TLR6: variants seen among roughly 807,000 people sequenced by gnomAD.
The protein encoded by TLR6 is toll like receptor 6.
A neutral mutation model predicts 16.1 loss-of-function variants in TLR6; 9 were observed. The observed-to-expected ratio is 0.56, with a 90% CI of 0.34 to 0.98. The LOEUF is 0.98. Among genes scored for constraint, TLR6 ranks in the 50% least tolerant of loss-of-function variants. The pLI, the probability that TLR6 is intolerant of heterozygous loss-of-function variation, is 0.02. For synonymous variants in TLR6, 340 were observed against 338.6 expected, an observed-to-expected ratio of 1.00 and a Z score of -0.04; for missense variants, 786 against 921.0, an observed-to-expected ratio of 0.85 and a Z score of 1.90.
chr4:38,848,557 G>T (rs1251566124), intron 1 of TLR6, among the ~76,000 whole-genome samples: 1 of 152,224 alleles, frequency 6.6e-6, no homozygotes, highest in Non-Finnish European at 1.5e-5. Flanking sequence ...TGGCTAGCTA[G>T]AATAAGCAGT....
intron 1 of TLR6, among the ~76,000 whole-genome samples, chr4:38,852,172 G>A (rs958961528): frequency 6.6e-5 from 10 of 152,184 alleles, no homozygotes; most frequent in African/African-American, 2.4e-4. Flanking sequence ...AAACTGGCTA[G>A]CCATATGGAG....
chr4:38,832,400 T>A (rs1197042544), intron 1 of TLR6, among the ~76,000 whole-genome samples: 1 of 152,156 alleles, frequency 6.6e-6, no homozygotes, highest in Non-Finnish European at 1.5e-5. Flanking sequence ...AACTTCCCAT[T>A]CCAGGGAAAG....
chr4:38,866,019 A>C, the TLR6 span, among the ~76,000 whole-genome samples: 1 of 151,830 alleles, frequency 6.6e-6, no homozygotes, highest in Non-Finnish European at 1.5e-5. Flanking sequence ...CGCACCTGTA[A>C]TCCCAGCTAC....
intron 1 of TLR6, among the ~76,000 whole-genome samples, chr4:38,844,309 G>C (rs1712420660): frequency 6.6e-6 from 1 of 152,206 alleles, no homozygotes; most frequent in Admixed American, 6.5e-5. Context: ...GTACTAGAGA[G>C]TTGGGCAACG....
chr4:38,868,161 A>T, the TLR6 span: 1 of 229,066 alleles, frequency 4.4e-6, no homozygotes, highest in South Asian at 5.7e-5. Flanking sequence ...ACCTCCGCGG[A>T]GCCTGCCTGG....
intron 1 of TLR6, among the ~76,000 whole-genome samples, chr4:38,854,174 C>T (rs1411469279): frequency 1.3e-5 from 2 of 152,006 alleles, no homozygotes; most frequent in Non-Finnish European, 2.9e-5. Context: ...TGCAATCTCA[C>T]AAAAAATAAA....
At chr4:38,868,101 G>A in the TLR6 span, 2 of 339,812 alleles carry the variant, frequency 5.9e-6, no homozygotes, top group Admixed American at 6.0e-5. Flanking sequence ...CCACGCTCAT[G>A]CACACACCCA....
At chr4:38,827,141 C>T in exon 2 of TLR6, 4 of 1,613,628 alleles carry the variant, frequency 2.5e-6, no homozygotes, top group Non-Finnish European at 3.4e-6. Flanking sequence ...AAAAGCGGCT[C>T]TAATGTTAGC....
chr4:38,833,792 T>G (rs975312832), intron 1 of TLR6, among the ~76,000 whole-genome samples: 1 of 151,834 alleles, frequency 6.6e-6, no homozygotes, highest in Non-Finnish European at 1.5e-5. Context: ...AGATAAATAA[T>G]AAAAGAAATC....
the TLR6 span, among the ~76,000 whole-genome samples, chr4:38,863,048 C>T: frequency 1.3e-5 from 2 of 151,250 alleles, no homozygotes; most frequent in South Asian, 2.1e-4. Context: ...TTGTTCTCCT[C>T]TCATTCTCTT....
intron 1 of TLR6, among the ~76,000 whole-genome samples, chr4:38,830,132 AAAGTG>A (rs1431190979): frequency 6.6e-6 from 1 of 152,228 alleles, no homozygotes; most frequent in Non-Finnish European, 1.5e-5. Context: ...ATGCATGCAG[AAAGTG>A]AAGGCTAAAG....
upstream of TLR6, among the ~76,000 whole-genome samples, chr4:38,857,652 T>C (rs1397595177): frequency 6.9e-6 from 1 of 144,792 alleles, no homozygotes; most frequent in Non-Finnish European, 1.5e-5. Context: ...ATCTCATCTT[T>C]ATTAAAAAAA....
At chr4:38,824,091 C>CG (rs1325635318) in exon 2 of TLR6, 1 of 122,904 alleles carries the variant, frequency 8.1e-6, no homozygotes, top group Non-Finnish European at 1.7e-5. Flanking sequence ...CGCCCCCGCC[C>CG]CCCCCTGCCT....
chr4:38,864,610 A>G, the TLR6 span, among the ~76,000 whole-genome samples: 2 of 152,264 alleles, frequency 1.3e-5, no homozygotes, highest in Non-Finnish European at 2.9e-5. Flanking sequence ...TCTCAAAAAT[A>G]TAATGCAAGT....
At chr4:38,833,101 G>A (rs958744822) in intron 1 of TLR6, among the ~76,000 whole-genome samples, 4 of 152,150 alleles carry the variant, frequency 2.6e-5, no homozygotes, top group African/African-American at 4.8e-5. Flanking sequence ...TGCTGCCTGT[G>A]TCTACCACTT....
chr4:38,858,778 AGAGAGAGAGAGAGG>A (rs1560274526), upstream of TLR6, among the ~76,000 whole-genome samples: 363 of 58,438 alleles, frequency 6.2e-3, 22 homozygotes, highest in African/African-American at 0.039. Flanking sequence ...AGAGAGAGGG[AGAGAGAGAGAGAGG>A]GAGAGAGAGA....
exon 2 of TLR6, chr4:38,828,592 T>C (rs771482416): frequency 2.2e-5 from 35 of 1,613,820 alleles, no homozygotes; most frequent in Non-Finnish European, 2.8e-5. Context: ...TAAAATCTTC[T>C]TCACGAATGC....
chr4:38,857,625 TCTCA>T (rs537961271), upstream of TLR6, among the ~76,000 whole-genome samples: 188 of 151,930 alleles, frequency 1.2e-3, 1 homozygote, highest in African/African-American at 4.3e-3. Flanking sequence ...CTATAATTTA[TCTCA>T]CTGTCTGGCA....
intron 1 of TLR6, among the ~76,000 whole-genome samples, chr4:38,848,938 G>C (rs191980669): frequency 0.031 from 4,745 of 152,204 alleles, 217 homozygotes; most frequent in African/African-American, 0.087. Flanking sequence ...ACACCACAAA[G>C]ATACTCCTCC....
Sources: allele counts gnomAD v4.1 joint callset (sites outside exome capture counted in the v4.1 genomes callset), GRCh38; gene constraint gnomAD v4.1.1; transcripts MANE v1.5; gene names NCBI Gene and HGNC (gene_info 2026-07-23, HGNC 2026-07-21).